RPTOR: variants seen among roughly 807,000 people sequenced by gnomAD.
RPTOR encodes regulatory associated protein of MTOR complex 1, also known as regulatory-associated protein of mTOR.
RPTOR carries 21 observed loss-of-function variants against 169.9 expected under a neutral mutation model. The ratio of observed to expected loss-of-function variants is 0.12; its 90% CI spans 0.09 to 0.18. RPTOR has a LOEUF of 0.18. Ranked by LOEUF, RPTOR falls within the 10% of genes least tolerant of loss-of-function variation. RPTOR has a pLI of 1.00. For missense variants in RPTOR, 1,133 were observed against 1,855.9 expected (o/e 0.61, Z 7.16); for synonymous variants, 732 against 753.2 (o/e 0.97, Z 0.46).
At chr17:80,917,316 G>T (rs1185169625) in intron 21 of RPTOR, among the ~76,000 whole-genome samples, 1 of 152,002 alleles carries the variant, frequency 6.6e-6, no homozygotes, top group African/African-American at 2.4e-5. Flanking sequence ...TTTCACCATT[G>T]TTGGCCAGGC....
intron 1 of RPTOR, among the ~76,000 whole-genome samples, chr17:80,556,019 GTT>G (rs143244019): frequency 1.2e-4 from 18 of 146,472 alleles, no homozygotes; most frequent in African/African-American, 4.5e-4. Flanking sequence ...GATCTAAAAA[GTT>G]TTTTGTTTTT....
At chr17:80,799,612 C>G (rs960298703) in intron 7 of RPTOR, among the ~76,000 whole-genome samples, 2 of 152,198 alleles carry the variant, frequency 1.3e-5, no homozygotes, top group African/African-American at 4.8e-5. Flanking sequence ...TCACGTGACG[C>G]AAGGAGAATA....
chr17:80,646,090 A>C lies in RPTOR; in HGVS notation c.348+2280A>C, dbSNP rs1212210555. On this transcript the variant is annotated intron_variant, in intron 3 of 33. Transcript: ENST00000306801. The surrounding 1 kb of genome is among the most constrained non-coding windows in gnomAD (Gnocchi z 5.0). Reference sequence around the variant, plus strand: ...GCTGGTTTATAAAGTGGAATCTGGAATAAAGTATCCGCTGCAGCCTAGAAG... The same window carrying C: ...GCTGGTTTATAAAGTGGAATCTGGACTAAAGTATCCGCTGCAGCCTAGAAG... 1.3e-5 allele frequency among the ~76,000 whole-genome samples: 2 copies of C among 152,216 alleles called. No homozygotes were observed. Among genetic ancestry groups the C allele is most frequent in the Non-Finnish European group, 2.9e-5 (2 of 68,036 alleles).
rs1381750680 is a variant in RPTOR, at chr17:80,879,580, A to G, written c.1510-835A>G. Among the ~76,000 whole-genome samples, 8 of 151,346 alleles carry G rather than the reference A, an allele frequency of 5.3e-5. No individual in the cohort carries two copies. The East Asian group carries it at 1.6e-3, about 30-fold the overall frequency. Reference sequence around the variant, plus strand: ...TAAAGAGGTCTCCAAAAAGTACAAGACCCTCCCTCTCCCCGCTTTCCAAGC... The same window carrying G: ...TAAAGAGGTCTCCAAAAAGTACAAGGCCCTCCCTCTCCCCGCTTTCCAAGC... On this transcript the variant is annotated intron_variant, in intron 13 of 33. Transcript: ENST00000306801.
intron 24 of RPTOR, among the ~76,000 whole-genome samples, chr17:80,939,733 G>T (rs986787975): frequency 2.6e-5 from 4 of 152,204 alleles, no homozygotes; most frequent in African/African-American, 9.7e-5. Context: ...GTTCCCTTTG[G>T]CATTAGAGAG....
At chr17:80,546,974 CT>C (rs1252128999) in intron 1 of RPTOR, among the ~76,000 whole-genome samples, 1 of 152,124 alleles carries the variant, frequency 6.6e-6, no homozygotes, top group Non-Finnish European at 1.5e-5. Context: ...GAAGCTGAGG[CT>C]GGAGAATCGC....
intron 13 of RPTOR, among the ~76,000 whole-genome samples, chr17:80,876,886 G>T (rs2068123816): frequency 7.7e-6 from 1 of 129,646 alleles, no homozygotes; most frequent in South Asian, 2.7e-4. Context: ...TTTCCACCGA[G>T]CCTGTGCCAT....
At position 80,637,451 on chromosome 17, in the gene RPTOR, GC is replaced by G. The variant is rs933455513; in HGVS notation, c.266-6271del. Among the ~76,000 whole-genome samples the G allele has an allele frequency of 9.2e-5, 14 of 152,280 alleles. 1 individual carries two copies. The highest frequency in any genetic ancestry group is 1.8e-4 in the Non-Finnish European group (12 of 68,016). Reference sequence around the variant, plus strand: ...AGACCTCTTTTCCCACCCCTGCTCCGCCCCCCTCTGGATAATAAGTTGCTGT... The same window carrying G: ...AGACCTCTTTTCCCACCCCTGCTCCGCCCCCTCTGGATAATAAGTTGCTGT... On this transcript the variant is annotated intron_variant, in intron 2 of 33. Coordinates refer to ENST00000306801, the MANE Select transcript of RPTOR (RefSeq NM_020761.3).
rs980944062 is a variant in RPTOR at position 80,926,872 on chromosome 17, C to T, written c.2919+1392C>T. 9.9e-5 allele frequency among the ~76,000 whole-genome samples: 15 copies of T among 152,170 alleles called. No individual in the cohort carries two copies. In the South Asian group the frequency reaches 1.9e-3, roughly 19 times the overall value. ...TCTTCTGCAGTTTCTACACTAAGCA[C>T]GAAGCACCTTTAGAGTCGGGGGAAA... On this transcript the variant is annotated intron_variant, in intron 24 of 33. Coordinates refer to ENST00000306801, the MANE Select transcript of RPTOR (RefSeq NM_020761.3).
chr17:80,907,919 C>T (rs906057170), intron 20 of RPTOR, among the ~76,000 whole-genome samples: 5 of 152,204 alleles, frequency 3.3e-5, no homozygotes, highest in South Asian at 2.1e-4. Flanking sequence ...AGGAGTCACT[C>T]TCGCTCCTTC....
intron 4 of RPTOR, among the ~76,000 whole-genome samples, chr17:80,717,713 GT>G (rs2066251479): frequency 6.6e-6 from 1 of 152,220 alleles, no homozygotes; most frequent in African/African-American, 2.4e-5. Flanking sequence ...AAACATGCTA[GT>G]TTTAACTATA....
chr17:80,586,445 C>T (rs1221828101), intron 1 of RPTOR, among the ~76,000 whole-genome samples: 1 of 152,140 alleles, frequency 6.6e-6, no homozygotes, highest in Non-Finnish European at 1.5e-5. Flanking sequence ...TTCCATTTGG[C>T]CAAAAATTCA....
intron 7 of RPTOR, among the ~76,000 whole-genome samples, chr17:80,810,728 C>T (rs571245181): frequency 6.6e-6 from 1 of 152,286 alleles, no homozygotes; most frequent in African/African-American, 2.4e-5. Context: ...AGGAGAATTA[C>T]CATCCTAGTA....
intron 3 of RPTOR, among the ~76,000 whole-genome samples, chr17:80,696,120 C>A (rs114937916): frequency 6.6e-6 from 1 of 152,134 alleles, no homozygotes; most frequent in Non-Finnish European, 1.5e-5. Context: ...TTCAGGCTTC[C>A]TCTCCCTTTT....
intron 25 of RPTOR, among the ~76,000 whole-genome samples, chr17:80,941,577 G>C (rs1350282400): frequency 1.3e-5 from 2 of 152,252 alleles, no homozygotes; most frequent in Non-Finnish European, 2.9e-5. Context: ...AGCTCTGGCT[G>C]GGGGACCTCA....
intron 6 of RPTOR, among the ~76,000 whole-genome samples, chr17:80,760,864 G>A (rs549654691): frequency 1.3e-5 from 2 of 152,160 alleles, no homozygotes; most frequent in Admixed American, 6.5e-5. Flanking sequence ...TACAGAATGC[G>A]GTGTGCTGGG....
At chr17:80,777,731 G>T (rs1312668310) in intron 6 of RPTOR, among the ~76,000 whole-genome samples, 1 of 152,210 alleles carries the variant, frequency 6.6e-6, no homozygotes, top group Non-Finnish European at 1.5e-5. Context: ...TATAGCTTTA[G>T]CTGTTACGTC....
At chr17:80,919,883 C>CCTTG (rs2068724235) in intron 21 of RPTOR, among the ~76,000 whole-genome samples, 1 of 152,250 alleles carries the variant, frequency 6.6e-6, no homozygotes, top group Admixed American at 6.5e-5. Context: ...GTTTGCACAC[C>CCTTG]CTTGACCTCT....
At chr17:80,767,428 A>G (rs900903562) in intron 6 of RPTOR, among the ~76,000 whole-genome samples, 13 of 152,222 alleles carry the variant, frequency 8.5e-5, no homozygotes, top group Admixed American at 1.3e-4. Flanking sequence ...TTAATCATGA[A>G]GGACCATATG....
Sources: gnomAD v4.1 joint callset for allele counts (sites outside exome capture counted in the v4.1 genomes callset) on GRCh38, gnomAD v4.1.1 for gene constraint, Gnocchi (gnomAD v3.1) non-coding constraint, MANE v1.5 for transcripts, NCBI Gene and HGNC (gene_info 2026-07-23, HGNC 2026-07-21) for gene names.